The following EPS8 variants were observed in gnomAD, a reference collection of about 807,000 sequenced individuals.
The protein encoded by EPS8 is epidermal growth factor receptor kinase substrate 8.
In EPS8, 42 loss-of-function variants were observed where a neutral mutation model predicts 103.8. That is an observed-to-expected ratio of 0.40 (90% CI 0.32 to 0.52). EPS8 has a LOEUF of 0.52. Among genes scored for constraint, EPS8 ranks in the 20% least tolerant of loss-of-function variants. The probability of loss-of-function intolerance (pLI) is 0.40; values close to 1 mark genes in which losing one functional copy is unlikely to be tolerated. For missense variants in EPS8, 969 were observed against 1,005.1 expected (o/e 0.96, Z 0.49); for synonymous variants, 344 against 344.6 (o/e 1.00, Z 0.02).
rs1032353532 is a variant in EPS8 at position 15,751,877 on chromosome 12, G to A, written c.-22+37284C>T. Reference sequence around the variant, plus strand: ...GATAAAATACACTGAGACTCAAGCAGGAGTTAAATCTGGCATGTGTGTAGG... The same window carrying A: ...GATAAAATACACTGAGACTCAAGCAAGAGTTAAATCTGGCATGTGTGTAGG... On this transcript the variant is annotated intron_variant, in intron 1 of 20. Transcript: ENST00000281172. This position sits in a 1 kb window ranked among gnomAD's most constrained non-coding sequence, Gnocchi z 4.3. 6.6e-6 allele frequency among the ~76,000 whole-genome samples: 1 copy of A among 152,018 alleles called. No homozygotes were observed. The highest frequency in any genetic ancestry group is 2.4e-5 in the African/African-American group (1 of 41,378).
At chr12:15,689,923 A>G (rs1193268144) in intron 1 of EPS8, among the ~76,000 whole-genome samples, 2 of 152,204 alleles carry the variant, frequency 1.3e-5, no homozygotes, top group Non-Finnish European at 2.9e-5. Flanking sequence ...TATCATCTTT[A>G]ATGAGACTGA....
Position 15,706,342 on chromosome 12 carries a change from A to G in EPS8, c.-21-23370T>C, listed in dbSNP as rs1276631945. On this transcript the variant is annotated intron_variant, in intron 1 of 20. Transcript: ENST00000281172. This position sits in a 1 kb window ranked among gnomAD's most constrained non-coding sequence, Gnocchi z 5.2. The stretch of plus-strand genomic sequence containing the variant: ...GGCGGGAAGCACTGCAGCATTGACA[A>G]TGCCAAGTTCTTCCTTCCTCGAGGC... Among the ~76,000 whole-genome samples the G allele has an allele frequency of 1.3e-5, 2 of 152,220 alleles. No individual in the cohort carries two copies. Among genetic ancestry groups the G allele is most frequent in the Non-Finnish European group, 2.9e-5 (2 of 68,036 alleles).
At chr12:15,625,219 T>A (rs1265750875) in intron 18 of EPS8, among the ~76,000 whole-genome samples, 1 of 152,218 alleles carries the variant, frequency 6.6e-6, no homozygotes, top group Non-Finnish European at 1.5e-5. Context: ...TATTATGTTA[T>A]ATAAGAGCTG....
chr12:15,686,018 T>A (rs1208960166), intron 1 of EPS8, among the ~76,000 whole-genome samples: 1 of 152,172 alleles, frequency 6.6e-6, no homozygotes. Flanking sequence ...GCCATCATAA[T>A]AGCTACCACC....
rs540797310 is a variant in EPS8, at chr12:15,717,673, C to T, written c.-21-34701G>A. On this transcript the variant is annotated intron_variant, in intron 1 of 20. Coordinates refer to ENST00000281172, the MANE Select transcript of EPS8 (RefSeq NM_004447.6). The surrounding 1 kb of genome is among the most constrained non-coding windows in gnomAD (Gnocchi z 4.3). ...TATAAATAGCAGGACCAATATTATA[C>T]GTTCTTTCCAGAAGTTATTTAGAAG... 4.6e-5 allele frequency among the ~76,000 whole-genome samples: 7 copies of T among 152,238 alleles called. No individual in the cohort carries two copies. In the South Asian group the frequency reaches 6.2e-4, roughly 14 times the overall value.
chr12:15,783,065 T>C (rs949577089), intron 1 of EPS8, among the ~76,000 whole-genome samples: 2 of 152,166 alleles, frequency 1.3e-5, no homozygotes, highest in African/African-American at 4.8e-5. Context: ...GTCATGACAT[T>C]ATGAGAGATA....
At chr12:15,786,772 T>G (rs550385688) in intron 1 of EPS8, among the ~76,000 whole-genome samples, 1 of 152,226 alleles carries the variant, frequency 6.6e-6, no homozygotes, top group South Asian at 2.1e-4. Context: ...ACTTAAAATG[T>G]TTGCAACTAT....
At chr12:15,739,717 C>T (rs1257344087) in intron 1 of EPS8, among the ~76,000 whole-genome samples, 1 of 152,114 alleles carries the variant, frequency 6.6e-6, no homozygotes, top group African/African-American at 2.4e-5. Context: ...CGTGGGACTT[C>T]TCAGCCTCCA....
At chr12:15,729,253 GT>G (rs1946687317) in intron 1 of EPS8, among the ~76,000 whole-genome samples, 1 of 152,024 alleles carries the variant, frequency 6.6e-6, no homozygotes, top group Non-Finnish European at 1.5e-5. Flanking sequence ...TGAGCTTGGC[GT>G]CTCTCATTAA....
At chr12:15,732,793 A>G in intron 1 of EPS8, 1 of 979,682 alleles carries the variant, frequency 1.0e-6, no homozygotes, top group Non-Finnish European at 1.2e-6. Flanking sequence ...CCACAGGAGA[A>G]TAAAACTCTT....
intron 17 of EPS8, among the ~76,000 whole-genome samples, chr12:15,640,118 C>T (rs1045250748): frequency 1.3e-5 from 2 of 152,186 alleles, no homozygotes; most frequent in African/African-American, 4.8e-5. Flanking sequence ...CCTTCATGGG[C>T]CTTCAATGAA....
Position 15,693,095 on chromosome 12 carries a change from T to C in EPS8, c.-21-10123A>G, listed in dbSNP as rs898686701. Among the ~76,000 whole-genome samples the C allele has an allele frequency of 1.3e-5, 2 of 152,126 alleles. No homozygotes were observed. Among genetic ancestry groups the C allele is most frequent in the African/African-American group, 4.8e-5 (2 of 41,424 alleles). On this transcript the variant is annotated intron_variant, in intron 1 of 20. Transcript: ENST00000281172. The surrounding 1 kb of genome is among the most constrained non-coding windows in gnomAD (Gnocchi z 5.6). Reference sequence around the variant, plus strand: ...AAGGTGGCAAGAAAGTCAGTGTCCATGGGTGGGGCTTGTGAACAAGTGGGC... The same window carrying C: ...AAGGTGGCAAGAAAGTCAGTGTCCACGGGTGGGGCTTGTGAACAAGTGGGC...
chr12:15,688,768 C>A lies in EPS8; in HGVS notation c.-21-5796G>T, dbSNP rs10772869. On this transcript the variant is annotated intron_variant, in intron 1 of 20. Coordinates refer to ENST00000281172, the MANE Select transcript of EPS8 (RefSeq NM_004447.6). The surrounding 1 kb of genome is among the most constrained non-coding windows in gnomAD (Gnocchi z 5.1). Reference sequence around the variant, plus strand: ...AGCCCACGTGTGATCCGATTCTTCCCATACGCCAAGGCAATAACCCCAGGA... The same window carrying A: ...AGCCCACGTGTGATCCGATTCTTCCAATACGCCAAGGCAATAACCCCAGGA... Among the ~76,000 whole-genome samples the A allele has an allele frequency of 6.6e-6, 1 of 152,190 alleles. No homozygotes were observed. The highest frequency in any genetic ancestry group is 1.5e-5 in the Non-Finnish European group (1 of 68,044).
intron 8 of EPS8, among the ~76,000 whole-genome samples, chr12:15,663,243 G>A (rs1334040016): frequency 6.6e-6 from 1 of 152,130 alleles, no homozygotes; most frequent in East Asian, 1.9e-4. Flanking sequence ...AGGGCACAGT[G>A]AGGGGGAGAT....
chr12:15,687,625 T>C (rs1189746944), intron 1 of EPS8, among the ~76,000 whole-genome samples: 2 of 152,188 alleles, frequency 1.3e-5, no homozygotes, highest in South Asian at 2.1e-4. Flanking sequence ...TATGCAACTT[T>C]AGAAAGAACT....
intron 1 of EPS8, among the ~76,000 whole-genome samples, chr12:15,740,932 A>T (rs1946814998): frequency 1.3e-5 from 2 of 152,220 alleles, no homozygotes; most frequent in African/African-American, 4.8e-5. Flanking sequence ...TTTTTAAAAA[A>T]TGGTGCTTTT....
At position 15,785,354 on chromosome 12, in the gene EPS8, C is replaced by T. The variant is rs898662478; in HGVS notation, c.-22+3807G>A. ...CCCATGGGAGCACAGGTTAACAATT[C>T]CAATGCTGCTATACATCTATGATAG... is the stretch of plus-strand genomic sequence containing the variant. On this transcript the variant is annotated intron_variant, in intron 1 of 20. Transcript: ENST00000281172. This position sits in a 1 kb window ranked among gnomAD's most constrained non-coding sequence, Gnocchi z 4.9. Among the ~76,000 whole-genome samples, 1 of 152,064 alleles carries T rather than the reference C, an allele frequency of 6.6e-6. No homozygotes were observed. Among genetic ancestry groups the T allele is most frequent in the Non-Finnish European group, 1.5e-5 (1 of 67,936 alleles).
chr12:15,672,514 T>C (rs1210127191), intron 3 of EPS8: 11 of 398,290 alleles, frequency 2.8e-5, no homozygotes, highest in Non-Finnish European at 2.2e-5. Context: ...CCTACCAAAA[T>C]AATGTCATCA....
chr12:15,652,485 T>C (rs1199335603), intron 13 of EPS8, among the ~76,000 whole-genome samples: 1 of 152,166 alleles, frequency 6.6e-6, no homozygotes, highest in African/African-American at 2.4e-5. Context: ...TTTAAGGTGA[T>C]GGATATCCTA....
Sources: gnomAD v4.1 joint callset for allele counts (sites outside exome capture counted in the v4.1 genomes callset) on GRCh38, gnomAD v4.1.1 for gene constraint, Gnocchi (gnomAD v3.1) non-coding constraint, MANE v1.5 for transcripts, NCBI Gene and HGNC (gene_info 2026-07-23, HGNC 2026-07-21) for gene names.